PCDHA11: variants seen among roughly 807,000 people sequenced by gnomAD.
PCDHA11 encodes protocadherin alpha 11, also known as protocadherin alpha-11.
A neutral mutation model predicts 70.3 loss-of-function variants in PCDHA11; 61 were observed. That is an observed-to-expected ratio of 0.87 (90% CI 0.71 to 1.07). The LOEUF is 1.07. PCDHA11 is among the 50% of genes least tolerant of loss of function. The probability of loss-of-function intolerance (pLI) is 0.00; values close to 1 mark genes in which losing one functional copy is unlikely to be tolerated. For synonymous variants in PCDHA11, 633 were observed against 555.1 expected, an observed-to-expected ratio of 1.14 and a Z score of -1.97; for missense variants, 1,324 against 1,237.5, an observed-to-expected ratio of 1.07 and a Z score of -1.05.
rs2052611705 is a variant in PCDHA11 at position 140,871,001 on chromosome 5, C to T, written c.1898C>T (p.Thr633Met). ...VGLYTGEISTTRALDEADSPR... is the reference protein window; with the variant it reads ...VGLYTGEISTMRALDEADSPR... Reference sequence around the variant, plus strand: ...CTGTACACGGGCGAGATAAGCACAACGCGTGCCCTGGACGAGGCAGACTCG... The same window carrying T: ...CTGTACACGGGCGAGATAAGCACAATGCGTGCCCTGGACGAGGCAGACTCG... The change falls in exon 1 of 4, where the codon ACG becomes ATG. Residue 633 changes from threonine (T) to methionine (M), a missense_variant. Physicochemically the swap from Thr to Met is moderately conservative, Grantham distance 81. Transcript: ENST00000398640. The T allele has an allele frequency of 1.9e-6, 3 of 1,613,292 alleles. No individual in the cohort carries two copies. The highest frequency in any genetic ancestry group is 1.7e-5 in the Admixed American group (1 of 59,992).
intron 1 of PCDHA11, among the ~76,000 whole-genome samples, chr5:140,939,338 G>A (rs2092369072): frequency 6.6e-6 from 1 of 152,116 alleles, no homozygotes; most frequent in South Asian, 2.1e-4. Context: ...TTAGGGGTTA[G>A]CATTTCAACT....
At chr5:140,947,059 A>G (rs1297447274) in intron 1 of PCDHA11, among the ~76,000 whole-genome samples, 2 of 151,742 alleles carry the variant, frequency 1.3e-5, no homozygotes, top group Admixed American at 1.3e-4. Flanking sequence ...ATCATTACAC[A>G]GTGTATATAT....
At chr5:141,003,616 G>A (rs1360535833) in intron 3 of PCDHA11, among the ~76,000 whole-genome samples, 1 of 152,132 alleles carries the variant, frequency 6.6e-6, no homozygotes, top group African/African-American at 2.4e-5. Flanking sequence ...CCCGGCCCCA[G>A]AGGGCAGTTT....
intron 1 of PCDHA11, among the ~76,000 whole-genome samples, chr5:140,939,697 A>G (rs1327140175): frequency 6.6e-6 from 1 of 152,232 alleles, no homozygotes; most frequent in African/African-American, 2.4e-5. Context: ...GCTGGACATT[A>G]TCATTTGTGA....
At chr5:140,878,371 G>A (rs543191231) in intron 1 of PCDHA11, among the ~76,000 whole-genome samples, 53 of 152,276 alleles carry the variant, frequency 3.5e-4, no homozygotes, top group Non-Finnish European at 6.5e-4. Flanking sequence ...TCTGACATAT[G>A]ATGAATGATT....
intron 1 of PCDHA11, among the ~76,000 whole-genome samples, chr5:140,951,543 C>G (rs246041): frequency 0.56 from 85,284 of 151,440 alleles, 24,613 homozygotes; most frequent in African/African-American, 0.69. Flanking sequence ...GAGCAAGGGA[C>G]GGGGGGAAGT....
chr5:140,945,635 T>C (rs1200996842), intron 1 of PCDHA11, among the ~76,000 whole-genome samples: 1 of 152,024 alleles, frequency 6.6e-6, no homozygotes, highest in Admixed American at 6.5e-5. Context: ...ATAAAAGACA[T>C]GTAGACCAAT....
intron 1 of PCDHA11, among the ~76,000 whole-genome samples, chr5:140,941,193 TTCTTTCTTC>T (rs1563183581): frequency 8.6e-6 from 1 of 116,638 alleles, no homozygotes; most frequent in Non-Finnish European, 1.8e-5. Flanking sequence ...TTCTTTTTTT[TTCTTTCTTC>T]CTTTCTTTCT....
At chr5:140,883,130 G>C in intron 1 of PCDHA11, 1 of 1,614,062 alleles carries the variant, frequency 6.2e-7, no homozygotes, top group Non-Finnish European at 8.5e-7. Flanking sequence ...TGTATGGCCT[G>C]CAGTGGTATA....
intron 1 of PCDHA11, among the ~76,000 whole-genome samples, chr5:140,896,219 T>A (rs1212681477): frequency 1.3e-5 from 2 of 152,252 alleles, no homozygotes; most frequent in African/African-American, 2.4e-5. Flanking sequence ...TACATGTGTC[T>A]TTATAGTAGA....
Position 141,010,533 on chromosome 5 carries a change from C to T in PCDHA11, c.*596C>T, listed in dbSNP as rs1466502614. 4 of 390,018 alleles carry T rather than the reference C, an allele frequency of 1.0e-5. No homozygotes were observed. Among genetic ancestry groups the T allele is most frequent in the African/African-American group, 8.2e-5 (4 of 49,000 alleles). 24.2% of individuals were successfully genotyped at this position (390,018 alleles called of 1,614,324 possible). ...TACAACTCAAGAGGTGGCAGCCACCCTCTAGGAGACAAAACTACCCCCACT... is the reference window on the plus strand; with the variant it reads ...TACAACTCAAGAGGTGGCAGCCACCTTCTAGGAGACAAAACTACCCCCACT... On this transcript the variant is annotated 3_prime_UTR_variant, in exon 4 of 4. Transcript: ENST00000398640.
chr5:140,985,488 A>G (rs1554247116), intron 3 of PCDHA11, among the ~76,000 whole-genome samples: 1 of 152,156 alleles, frequency 6.6e-6, no homozygotes, highest in Non-Finnish European at 1.5e-5. Flanking sequence ...CCAGACTCAA[A>G]TAGAGCCTGC....
intron 2 of PCDHA11, among the ~76,000 whole-genome samples, chr5:140,981,701 C>A (rs546149642): frequency 5.3e-5 from 8 of 152,268 alleles, no homozygotes; most frequent in African/African-American, 1.9e-4. Context: ...TTCATTCATT[C>A]ATTCATTCAT....
intron 1 of PCDHA11, chr5:140,968,651 GA>G: frequency 6.2e-7 from 1 of 1,614,154 alleles, no homozygotes; most frequent in Non-Finnish European, 8.5e-7. Flanking sequence ...CCAGACTTCT[GA>G]CCTGGACCTC....
intron 1 of PCDHA11, among the ~76,000 whole-genome samples, chr5:140,932,637 T>C (rs1554209011): frequency 6.6e-6 from 1 of 151,870 alleles, no homozygotes; most frequent in African/African-American, 2.4e-5. Context: ...TAAAAAACTT[T>C]AGAATGATGA....
intron 1 of PCDHA11, among the ~76,000 whole-genome samples, chr5:140,933,174 A>G (rs1400055066): frequency 2.0e-5 from 3 of 151,742 alleles, no homozygotes; most frequent in Non-Finnish European, 3.0e-5. Context: ...AATTGATGGC[A>G]TAAGATAATG....
chr5:140,877,508 C>G (rs892674985), intron 1 of PCDHA11: 1 of 1,613,808 alleles, frequency 6.2e-7, no homozygotes, highest in Admixed American at 1.7e-5. Flanking sequence ...CCAAAGACGT[C>G]GTCGCGGGCC....
At chr5:140,927,412 G>T (rs781968521) in intron 1 of PCDHA11, 1 of 1,614,122 alleles carries the variant, frequency 6.2e-7, no homozygotes, top group East Asian at 2.2e-5. Flanking sequence ...CCTGGACATG[G>T]GATCGCGGGT....
intron 3 of PCDHA11, among the ~76,000 whole-genome samples, chr5:141,007,707 C>T (rs1027610738): frequency 6.6e-6 from 1 of 152,172 alleles, no homozygotes; most frequent in Non-Finnish European, 1.5e-5. Context: ...CCTCTGCCTC[C>T]CACCACCAGG....
Sources: allele counts gnomAD v4.1 joint callset (sites outside exome capture counted in the v4.1 genomes callset), GRCh38; gene constraint gnomAD v4.1.1; transcripts MANE v1.5; gene names NCBI Gene and HGNC (gene_info 2026-07-23, HGNC 2026-07-21).